Variants in KIF1B observed in about 807,000 individuals in gnomAD.
The protein encoded by KIF1B is kinesin family member 1B, also known as kinesin-like protein KIF1B.
A neutral mutation model predicts 241.9 loss-of-function variants in KIF1B; 76 were observed. The observed-to-expected ratio is 0.31, with a 90% CI of 0.26 to 0.38. KIF1B has a LOEUF of 0.38. Ranked by LOEUF, KIF1B falls within the 10% of genes least tolerant of loss-of-function variation. The pLI is 1.00. For synonymous variants in KIF1B, 750 were observed against 796.7 expected (o/e 0.94, Z 0.99); for missense variants, 1,622 against 2,271.4 (o/e 0.71, Z 5.81).
chr1:10,273,133 C>A, intron 10 of KIF1B, 102 bp downstream of exon 10: 1 of 835,916 alleles, frequency 1.2e-6, no homozygotes, highest in South Asian at 1.9e-5. Flanking sequence ...CTTCAAAAAT[C>A]TTTTCATCAT....
chr1:10,378,532 C>A lies in KIF1B; in HGVS notation c.*1945C>A. The A allele has an allele frequency of 1.5e-6, 1 of 689,558 alleles. No individual in the cohort carries two copies. Among genetic ancestry groups the A allele is most frequent in the South Asian group, 1.6e-5 (1 of 63,122 alleles). The allele number at this position is 689,558 out of a possible 1,614,324, so 42.7% of individuals were successfully genotyped here. On this transcript the variant is annotated 3_prime_UTR_variant, in exon 49 of 49. Transcript: ENST00000676179. ...CCTCTCTGTTTCACCATTGCTCAGGCATTCAGGAAAGTATCTGCTCACTCC... is the reference window on the plus strand; with the variant it reads ...CCTCTCTGTTTCACCATTGCTCAGGAATTCAGGAAAGTATCTGCTCACTCC...
intron 14 of KIF1B, among the ~76,000 whole-genome samples, chr1:10,280,652 A>C (rs1189678616): frequency 6.6e-6 from 1 of 152,214 alleles, no homozygotes. Flanking sequence ...GCTTAAAGGC[A>C]CTATAATGTC....
intron 17 of KIF1B, among the ~76,000 whole-genome samples, chr1:10,292,777 C>T (rs1338104660): frequency 6.6e-6 from 1 of 152,062 alleles, no homozygotes; most frequent in African/African-American, 2.4e-5. Context: ...GTTGCAACGT[C>T]TTGTTGGATA....
In KIF1B at chr1:10,375,248, C is replaced by G; in HGVS notation, c.5290-7C>G. The G allele has an allele frequency of 6.2e-7, 1 of 1,612,144 alleles. No individual in the cohort carries two copies. The highest frequency in any genetic ancestry group is 1.1e-5 in the South Asian group (1 of 91,054). On this transcript the variant is annotated splice_region_variant and splice_polypyrimidine_tract_variant and intron_variant, in intron 47 of 48. Coordinates refer to ENST00000676179, the MANE Select transcript of KIF1B (RefSeq NM_001365951.3). ...AACTTTCTTGTCTACCTGCATTTTTCTTTCAGACACCAAACACCTTTGCTG... is the reference window on the plus strand; with the variant it reads ...AACTTTCTTGTCTACCTGCATTTTTGTTTCAGACACCAAACACCTTTGCTG...
chr1:10,263,136 T>C (rs758169497), intron 5 of KIF1B, among the ~76,000 whole-genome samples: 38 of 151,766 alleles, frequency 2.5e-4, no homozygotes, highest in Non-Finnish European at 4.4e-5. Context: ...CACAAAAAAT[T>C]AGCCGGCTGT....
intron 22 of KIF1B, among the ~76,000 whole-genome samples, chr1:10,297,702 T>C (rs148423411): frequency 8.8e-5 from 13 of 148,288 alleles, no homozygotes; most frequent in African/African-American, 3.2e-4. Context: ...TGGGCAGACT[T>C]TTTTTTTTTA....
chr1:10,341,372 C>T (rs1322654319), intron 32 of KIF1B, among the ~76,000 whole-genome samples: 1 of 152,190 alleles, frequency 6.6e-6, no homozygotes, highest in Non-Finnish European at 1.5e-5. Context: ...GGCACATAGG[C>T]CATAGTCAGT....
intron 1 of KIF1B, among the ~76,000 whole-genome samples, chr1:10,214,309 A>T (rs1646733501): frequency 1.3e-5 from 2 of 151,120 alleles, no homozygotes; most frequent in Admixed American, 6.6e-5. Context: ...TTTTTTTTTA[A>T]GACAGAGTCT....
Position 10,343,274 on chromosome 1 carries a change from A to G in KIF1B, c.3675A>G (p.Pro1225=). 1.9e-6 allele frequency: 3 copies of G among 1,614,120 alleles called. No homozygotes were observed. Among genetic ancestry groups the G allele is most frequent in the Non-Finnish European group, 2.5e-6 (3 of 1,180,010 alleles). ...PCRRFFPPPM[P]LSKPVPATKL... is the part of the protein sequence containing the mutation. ...GCCGATTCTTCCCTCCACCCATGCCACTGTCCAAGCCAGGTGAGCACTCGC... is the reference window on the plus strand; with the variant it reads ...GCCGATTCTTCCCTCCACCCATGCCGCTGTCCAAGCCAGGTGAGCACTCGC... The change falls in exon 34 of 49, where the codon CCA becomes CCG. Residue 1225 remains proline (P), a synonymous_variant. Coordinates refer to ENST00000676179, the MANE Select transcript of KIF1B (RefSeq NM_001365951.3).
Position 10,332,861 on chromosome 1 carries a change from G to A in KIF1B, c.2925-1659G>A, listed in dbSNP as rs1180836916. On this transcript the variant is annotated intron_variant, in intron 27 of 48. Transcript: ENST00000676179. ...GAGTCTCACCCTGTCACCCAGGCTAGAGTGCAGTGGTGCAATTTTGGCTCA... is the reference window on the plus strand; with the variant it reads ...GAGTCTCACCCTGTCACCCAGGCTAAAGTGCAGTGGTGCAATTTTGGCTCA... 4.7e-5 allele frequency among the ~76,000 whole-genome samples: 7 copies of A among 148,308 alleles called. No homozygotes were observed. The Admixed American group carries it at 4.7e-4, about 10-fold the overall frequency.
intron 34 of KIF1B, among the ~76,000 whole-genome samples, chr1:10,344,018 A>G (rs552025523): frequency 5.8e-4 from 89 of 152,150 alleles, no homozygotes; most frequent in African/African-American, 1.8e-3. Context: ...CTCATTGCCT[A>G]TTCGCCAAAT....
At chr1:10,242,462 T>C (rs1043273450) in intron 2 of KIF1B, among the ~76,000 whole-genome samples, 15 of 152,212 alleles carry the variant, frequency 9.9e-5, no homozygotes, top group African/African-American at 3.4e-4. Flanking sequence ...TTTGTGGATC[T>C]AAACATATCT....
intron 15 of KIF1B, among the ~76,000 whole-genome samples, chr1:10,287,098 TCTTAA>T (rs1197190853): frequency 6.6e-6 from 1 of 152,236 alleles, no homozygotes; most frequent in Non-Finnish European, 1.5e-5. Flanking sequence ...CTTCACTTTT[TCTTAA>T]CTTAGGGTGA....
chr1:10,338,068 G>A (rs1652248525), intron 31 of KIF1B, among the ~76,000 whole-genome samples: 1 of 152,104 alleles, frequency 6.6e-6, no homozygotes, highest in Non-Finnish European at 1.5e-5. Context: ...CTGTGCTCTG[G>A]ATGCTTTCTT....
chr1:10,348,620 C>T (rs758066901), intron 36 of KIF1B, 29 bp from the exon 37 acceptor site: 1 of 1,582,962 alleles, frequency 6.3e-7, no homozygotes, highest in South Asian at 1.1e-5. Context: ...ATTGCTTCAG[C>T]TAAATTGCAA....
intron 43 of KIF1B, among the ~76,000 whole-genome samples, chr1:10,366,522 G>C (rs1236406784): frequency 2.6e-5 from 4 of 152,178 alleles, no homozygotes; most frequent in African/African-American, 9.7e-5. Flanking sequence ...TGCGTGATCA[G>C]GAGGGAGGCA....
chr1:10,214,062 G>C (rs1278012931), intron 1 of KIF1B, among the ~76,000 whole-genome samples: 1 of 152,030 alleles, frequency 6.6e-6, no homozygotes, highest in Admixed American at 6.6e-5. Context: ...TTGAGTTTGA[G>C]ATTACAGTGA....
intron 23 of KIF1B, among the ~76,000 whole-genome samples, chr1:10,321,244 C>T (rs1369111674): frequency 6.6e-6 from 1 of 151,878 alleles, no homozygotes; most frequent in Non-Finnish European, 1.5e-5. Flanking sequence ...GCTGGGACTA[C>T]AGGTGTGTGC....
chr1:10,223,485 A>G (rs1183119980), intron 1 of KIF1B, among the ~76,000 whole-genome samples: 1 of 150,968 alleles, frequency 6.6e-6, no homozygotes, highest in Non-Finnish European at 1.5e-5. Context: ...GAATGACTGG[A>G]TAACATTTTC....
Sources: allele counts gnomAD v4.1 joint callset (sites outside exome capture counted in the v4.1 genomes callset), GRCh38; gene constraint gnomAD v4.1.1; transcripts MANE v1.5; gene names NCBI Gene and HGNC (gene_info 2026-07-23, HGNC 2026-07-21).